Variants in DLG2 observed in about 807,000 individuals in gnomAD.
The protein encoded by DLG2 is discs large MAGUK scaffold protein 2, also known as disks large homolog 2.
In DLG2, 45 loss-of-function variants were observed where a neutral mutation model predicts 132.5. That is an observed-to-expected ratio of 0.34 (90% CI 0.27 to 0.44). The LOEUF (loss-of-function observed/expected upper bound fraction) is 0.44, where lower values mean the gene tolerates loss of function less well. DLG2 is among the 20% of genes least tolerant of loss of function. The pLI is 1.00. For missense variants in DLG2, 1,045 were observed against 1,196.9 expected, an observed-to-expected ratio of 0.87 and a Z score of 1.87; for synonymous variants, 424 against 419.6, an observed-to-expected ratio of 1.01 and a Z score of -0.13.
intron 6 of DLG2, among the ~76,000 whole-genome samples, chr11:85,027,615 G>T (rs576760681): frequency 1.3e-5 from 2 of 152,232 alleles, no homozygotes; most frequent in African/African-American, 4.8e-5. Context: ...GCACAGCCAC[G>T]CATGCTAGCT....
chr11:84,534,591 C>G lies in DLG2; in HGVS notation c.498G>C (p.Gln166His), dbSNP rs752169110. ...QIENVHGYVL[Q>H]SHISPLKASP... ...TGACCTTCAGAGGAGAAATATGAGA[C>G]TGCAAGACATATCCATGGACATTTT... The change falls in exon 7 of 28, where the codon CAG (glutamine) becomes CAC (histidine). Residue 166 changes from glutamine to histidine, a missense_variant. Gln to His is a conservative substitution (Grantham distance 24). Transcript: ENST00000376104. 9 of 1,613,986 alleles carry G rather than the reference C, an allele frequency of 5.6e-6. No homozygotes were observed. Among genetic ancestry groups the G allele is most frequent in the Non-Finnish European group, 6.8e-6 (8 of 1,179,942 alleles).
At chr11:84,238,901 C>A (rs1377726309) in intron 8 of DLG2, among the ~76,000 whole-genome samples, 2 of 152,196 alleles carry the variant, frequency 1.3e-5, no homozygotes, top group South Asian at 2.1e-4. Flanking sequence ...AACGACCACA[C>A]TTTGAAAAGA....
intron 3 of DLG2, among the ~76,000 whole-genome samples, chr11:85,430,689 G>T (rs568382025): frequency 5.9e-4 from 90 of 152,228 alleles, no homozygotes; most frequent in Non-Finnish European, 1.1e-3. Flanking sequence ...ACAGGACAGG[G>T]TTTATGTTTG....
intron 3 of DLG2, among the ~76,000 whole-genome samples, chr11:85,579,322 C>A (rs2078360679): frequency 6.6e-6 from 1 of 152,018 alleles, no homozygotes. Context: ...ATCTGTACAA[C>A]AAACCCCCAT....
At chr11:85,234,586 G>A (rs2075479984) in intron 4 of DLG2, among the ~76,000 whole-genome samples, 1 of 151,934 alleles carries the variant, frequency 6.6e-6, no homozygotes, top group African/African-American at 2.4e-5. Context: ...GGATATTAGA[G>A]AAAGAGAAAA....
At chr11:85,621,777 A>G (rs2081719493) in intron 2 of DLG2, among the ~76,000 whole-genome samples, 1 of 152,264 alleles carries the variant, frequency 6.6e-6, no homozygotes, top group Admixed American at 6.5e-5. Flanking sequence ...GATGAAATCT[A>G]CTTCCAGTGA....
intron 3 of DLG2, among the ~76,000 whole-genome samples, chr11:85,527,021 CCTAA>C (rs1426204954): frequency 2.6e-5 from 4 of 152,020 alleles, no homozygotes; most frequent in Non-Finnish European, 5.9e-5. Context: ...CTGTAGTTTT[CCTAA>C]CTGACATGGT....
intron 18 of DLG2, among the ~76,000 whole-genome samples, chr11:83,784,082 T>C (rs571869211): frequency 1.3e-5 from 2 of 152,296 alleles, no homozygotes; most frequent in Admixed American, 1.3e-4. Context: ...GACTGAAAAA[T>C]GTATTCACTG....
chr11:84,140,851 T>C (rs899638074), intron 9 of DLG2, among the ~76,000 whole-genome samples: 2 of 152,144 alleles, frequency 1.3e-5, no homozygotes, highest in African/African-American at 2.4e-5. Flanking sequence ...AGAATGAATA[T>C]ATTACTCCAA....
intron 7 of DLG2, among the ~76,000 whole-genome samples, chr11:84,491,359 G>A (rs886175422): frequency 2.6e-5 from 4 of 152,050 alleles, no homozygotes; most frequent in Admixed American, 1.3e-4. Flanking sequence ...CGCCATCCAC[G>A]TAAGATGTGA....
chr11:84,189,827 G>T (rs1432816153), intron 8 of DLG2, among the ~76,000 whole-genome samples: 1 of 152,056 alleles, frequency 6.6e-6, no homozygotes, highest in Non-Finnish European at 1.5e-5. Context: ...TATCAGAGAG[G>T]CCTATGGGGG....
intron 3 of DLG2, among the ~76,000 whole-genome samples, chr11:85,522,578 C>T (rs937583127): frequency 1.3e-5 from 2 of 152,188 alleles, no homozygotes; most frequent in African/African-American, 2.4e-5. Context: ...GCCATGAAAG[C>T]AGCTAGGGCA....
chr11:84,930,238 C>A (rs773174401), intron 6 of DLG2, among the ~76,000 whole-genome samples: 17 of 152,018 alleles, frequency 1.1e-4, no homozygotes, highest in Non-Finnish European at 2.4e-4. Context: ...CAATTTAGTA[C>A]CTGATTATAC....
chr11:85,159,013 C>T (rs1227380691), intron 4 of DLG2, among the ~76,000 whole-genome samples: 1 of 152,174 alleles, frequency 6.6e-6, no homozygotes, highest in African/African-American at 2.4e-5. Context: ...AGGAAGGACC[C>T]TACTACACTA....
intron 6 of DLG2, among the ~76,000 whole-genome samples, chr11:85,028,433 C>A (rs1159409468): frequency 6.6e-6 from 1 of 152,168 alleles, no homozygotes; most frequent in African/African-American, 2.4e-5. Flanking sequence ...GGAACCTACC[C>A]CTTTCTGCCC....
intron 3 of DLG2, among the ~76,000 whole-genome samples, chr11:85,314,479 C>A (rs2080518667): frequency 6.6e-6 from 1 of 151,666 alleles, no homozygotes; most frequent in Non-Finnish European, 1.5e-5. Flanking sequence ...ATATATTATA[C>A]ATGCACACAC....
intron 7 of DLG2, among the ~76,000 whole-genome samples, chr11:84,420,783 C>T (rs1455150940): frequency 6.7e-6 from 1 of 149,538 alleles, no homozygotes; most frequent in Non-Finnish European, 1.5e-5. Flanking sequence ...ATTCTCCTGC[C>T]TCAGCCTCCC....
At chr11:85,360,536 G>C (rs1207931437) in intron 3 of DLG2, among the ~76,000 whole-genome samples, 1 of 152,082 alleles carries the variant, frequency 6.6e-6, no homozygotes, top group Non-Finnish European at 1.5e-5. Flanking sequence ...TCTTATTTTT[G>C]CTTAGAATCA....
chr11:84,597,847 A>G (rs1279408025), intron 6 of DLG2, among the ~76,000 whole-genome samples: 5 of 152,186 alleles, frequency 3.3e-5, no homozygotes, highest in African/African-American at 1.2e-4. Context: ...ATTTGAAACC[A>G]TAACAACAAC....
Sources: gnomAD v4.1 joint callset for allele counts (sites outside exome capture counted in the v4.1 genomes callset) on GRCh38, gnomAD v4.1.1 for gene constraint, MANE v1.5 for transcripts, NCBI Gene and HGNC (gene_info 2026-07-23, HGNC 2026-07-21) for gene names.